INTS8: variants seen among roughly 807,000 people sequenced by gnomAD.
INTS8 encodes the protein integrator complex subunit 8.
In INTS8, 47 loss-of-function variants were observed where a neutral mutation model predicts 138.9. The observed-to-expected ratio is 0.34, with a 90% CI of 0.27 to 0.43. INTS8 has a LOEUF of 0.43. Ranked by LOEUF, INTS8 falls within the 20% of genes least tolerant of loss-of-function variation. The pLI is 1.00. For synonymous variants in INTS8, 392 were observed against 400.9 expected (o/e 0.98, Z 0.27); for missense variants, 996 against 1,173.0 (o/e 0.85, Z 2.20).
chr8:94,860,593 A>C lies in INTS8; in HGVS notation c.2076+961A>C, dbSNP rs866529467. 6.4e-3 allele frequency among the ~76,000 whole-genome samples: 971 copies of C among 150,652 alleles called. 6 individuals carry two copies. Among genetic ancestry groups the C allele is most frequent in the Admixed American group, 0.01 (157 of 15,086 alleles). ...AAACTCTACCTCAAAAAAAAAAAAA[A>C]AAAAAAAAAAACCCAAAAAACAAAG... On this transcript the variant is annotated intron_variant, in intron 16 of 26. Coordinates refer to ENST00000523731, the MANE Select transcript of INTS8 (RefSeq NM_017864.4).
At chr8:94,838,379 G>A (rs1815011632) in intron 7 of INTS8, 84 bp from the exon 8 acceptor site, 1 of 1,184,878 alleles carries the variant, frequency 8.4e-7, no homozygotes, top group South Asian at 1.4e-5. Flanking sequence ...GCATTTCCTT[G>A]TACTGTTAAA....
intron 6 of INTS8, among the ~76,000 whole-genome samples, chr8:94,834,179 A>G (rs949924800): frequency 6.6e-5 from 10 of 152,096 alleles, no homozygotes; most frequent in African/African-American, 2.4e-4. Flanking sequence ...GGGCAGCTTC[A>G]TTATCAGGCT....
At chr8:94,872,117 T>C (rs1211357163) in intron 21 of INTS8, 115 bp downstream of exon 21, 3 of 591,884 alleles carry the variant, frequency 5.1e-6, no homozygotes, top group Non-Finnish European at 8.9e-6. Context: ...TTTACTTGTC[T>C]TTAGTAAAAT....
At chr8:94,835,504 G>C (rs75252980) in intron 6 of INTS8, among the ~76,000 whole-genome samples, 2,406 of 152,092 alleles carry the variant, frequency 0.016, 42 homozygotes, top group East Asian at 0.076. Flanking sequence ...TACGGTAGAC[G>C]TGCACCATCT....
intron 16 of INTS8, among the ~76,000 whole-genome samples, chr8:94,862,865 A>G (rs1055634301): frequency 3.3e-5 from 5 of 151,678 alleles, no homozygotes; most frequent in Non-Finnish European, 7.4e-5. Context: ...ACACACACAC[A>G]CGCACACACG....
Position 94,823,347 on chromosome 8 carries a change from T to C in INTS8, c.-85T>C, listed in dbSNP as rs768185430. 4.4e-5 allele frequency: 67 copies of C among 1,509,026 alleles called. No homozygotes were observed. Among genetic ancestry groups the C allele is most frequent in the Non-Finnish European group, 5.8e-5 (66 of 1,132,492 alleles). The allele number at this position is 1,509,026 out of a possible 1,614,324, so 93.5% of individuals were successfully genotyped here. A position where few individuals can be genotyped will look rare whatever the true frequency, so the allele number is the denominator to read the frequency against. ...GAGGGTGGCCTCTCTCCCACCGGGT[T>C]CCGCATACCCCAGGCACCGGCCCGC... On this transcript the variant is annotated 5_prime_UTR_variant, in exon 1 of 27. Coordinates refer to ENST00000523731, the MANE Select transcript of INTS8 (RefSeq NM_017864.4).
At chr8:94,870,645 A>C (rs1325843735) in intron 20 of INTS8, among the ~76,000 whole-genome samples, 1 of 152,242 alleles carries the variant, frequency 6.6e-6, no homozygotes, top group African/African-American at 2.4e-5. Context: ...AATCTAACTT[A>C]TATAACTATT....
At chr8:94,835,538 G>A (rs1231991034) in intron 6 of INTS8, among the ~76,000 whole-genome samples, 3 of 151,690 alleles carry the variant, frequency 2.0e-5, no homozygotes, top group South Asian at 2.1e-4. Flanking sequence ...GCTCCCCAGC[G>A]TTTTTTCCCT....
chr8:94,863,959 G>T (rs914614794), intron 16 of INTS8, among the ~76,000 whole-genome samples: 2 of 152,136 alleles, frequency 1.3e-5, no homozygotes, highest in Non-Finnish European at 2.9e-5. Flanking sequence ...GCTTCGGAAA[G>T]CCACAGTACT....
chr8:94,839,130 T>C (rs1815042278), intron 8 of INTS8, among the ~76,000 whole-genome samples: 1 of 152,218 alleles, frequency 6.6e-6, no homozygotes, highest in African/African-American at 2.4e-5. Context: ...GGGAGCACAG[T>C]GAACACGGCA....
At chr8:94,830,653 A>G (rs1448384648) in intron 5 of INTS8, among the ~76,000 whole-genome samples, 1 of 152,098 alleles carries the variant, frequency 6.6e-6, no homozygotes, top group Admixed American at 6.5e-5. Flanking sequence ...ATGTGCCACC[A>G]CACTAGACTA....
intron 13 of INTS8, 112 bp from the exon 14 acceptor site, chr8:94,853,693 A>G: frequency 1.7e-6 from 1 of 598,106 alleles, no homozygotes. Context: ...TCTTTAAGAG[A>G]CGACCCGTGA....
chr8:94,879,914 C>T, intron 26 of INTS8: 1 of 383,772 alleles, frequency 2.6e-6, no homozygotes, highest in South Asian at 6.2e-5. Flanking sequence ...TAAACTATGG[C>T]TCAGCAGTCC....
In INTS8 at chr8:94,881,252, G is replaced by T; in HGVS notation, c.*1018G>T. The T allele has an allele frequency of 2.8e-6, 1 of 353,904 alleles. No individual in the cohort carries two copies. Among genetic ancestry groups the T allele is most frequent in the Admixed American group, 4.5e-5 (1 of 21,988 alleles). 21.9% of individuals were successfully genotyped at this position (353,904 alleles called of 1,614,324 possible). A position where few individuals can be genotyped will look rare whatever the true frequency, so the allele number is the denominator to read the frequency against. ...TAGATTCAAAGTACTGTATCACTTA[G>T]TATACCCTTTAAGGTAGCACTTATC... On this transcript the variant is annotated 3_prime_UTR_variant, in exon 27 of 27. Transcript: ENST00000523731.
At chr8:94,875,641 A>G (rs1036375483) in intron 23 of INTS8, among the ~76,000 whole-genome samples, 5 of 152,308 alleles carry the variant, frequency 3.3e-5, no homozygotes, top group East Asian at 1.9e-4. Flanking sequence ...AATAAAAACT[A>G]TTTTTTAAAG....
In INTS8 at chr8:94,865,557, A is replaced by G. The variant is rs749216318; in HGVS notation, c.2128A>G (p.Ser710Gly). Reference protein sequence around the residue: ...TCKELPGPKESRRTAKDLWEV... With the variant: ...TCKELPGPKEGRRTAKDLWEV... ...CAAAGAACTTCCAGGCCCTAAAGAA[A>G]GTAGACGGACTGCCAAAGACCTTTG... is the stretch of plus-strand genomic sequence containing the variant. Residue 710 changes from serine to glycine, a missense_variant, in exon 17 of 27, where the codon AGT becomes GGT. By Grantham distance (56) the Ser-to-Gly change is moderately conservative (BLOSUM62 0). Transcript: ENST00000523731. The G allele has an allele frequency of 1.9e-6, 3 of 1,614,192 alleles. No homozygotes were observed. Among genetic ancestry groups the G allele is most frequent in the Non-Finnish European group, 2.5e-6 (3 of 1,180,002 alleles).
intron 16 of INTS8, chr8:94,859,871 A>G: frequency 2.3e-6 from 1 of 430,040 alleles, no homozygotes; most frequent in South Asian, 2.5e-5. Context: ...TAGTTAACAG[A>G]TAACACATTG....
chr8:94,834,059 A>C (rs1392451930), intron 6 of INTS8, among the ~76,000 whole-genome samples: 1 of 152,218 alleles, frequency 6.6e-6, no homozygotes, highest in Non-Finnish European at 1.5e-5. Context: ...GGTGTGAGCC[A>C]CCAGATCATA....
chr8:94,849,557 CT>C (rs370192003), intron 11 of INTS8, 25 bp downstream of exon 11: 223,809 of 1,031,848 alleles, frequency 0.22, 12,981 homozygotes, highest in Middle Eastern at 0.28. Context: ...TTTCTTTTTT[CT>C]TTTTTTTTTT....
Sources: gnomAD v4.1 joint callset for allele counts (sites outside exome capture counted in the v4.1 genomes callset) on GRCh38, gnomAD v4.1.1 for gene constraint, MANE v1.5 for transcripts, NCBI Gene and HGNC (gene_info 2026-07-23, HGNC 2026-07-21) for gene names.